The following KLHL5 variants were observed in gnomAD, a reference collection of about 807,000 sequenced individuals.
The protein encoded by KLHL5 is kelch like family member 5, also known as kelch-like protein 5.
Under a neutral mutation model 77.7 loss-of-function variants are expected in KLHL5, and 48 were observed. The observed-to-expected ratio is 0.62, with a 90% CI of 0.49 to 0.79. The LOEUF (loss-of-function observed/expected upper bound fraction) is 0.79, where lower values mean the gene tolerates loss of function less well. KLHL5 is among the 30% of genes least tolerant of loss of function. KLHL5 has a pLI of 0.00. For synonymous variants in KLHL5, 260 were observed against 297.0 expected, an observed-to-expected ratio of 0.88 and a Z score of 1.28; for missense variants, 723 against 859.7, an observed-to-expected ratio of 0.84 and a Z score of 1.99.
At chr4:39,104,176 G>C (rs1269033733) in intron 7 of KLHL5, among the ~76,000 whole-genome samples, 1 of 152,048 alleles carries the variant, frequency 6.6e-6, no homozygotes, top group Non-Finnish European at 1.5e-5. Context: ...AAGAGACATA[G>C]ATTTCCACTA....
chr4:39,082,345 G>T (rs1167751195), intron 4 of KLHL5, among the ~76,000 whole-genome samples, 186 bp downstream of exon 4: 1 of 152,138 alleles, frequency 6.6e-6, no homozygotes, highest in Non-Finnish European at 1.5e-5. Context: ...CTTCTCGTGG[G>T]TATCTGAATC....
At chr4:39,059,141 T>C (rs1253000437), upstream of KLHL5, among the ~76,000 whole-genome samples, 7 of 152,030 alleles carry the variant, frequency 4.6e-5, no homozygotes, top group Non-Finnish European at 1.0e-4. Context: ...TTTATATTGT[T>C]GGTGAAAGTT....
At chr4:39,094,105 T>C (rs918389347) in intron 5 of KLHL5, among the ~76,000 whole-genome samples, 3 of 152,150 alleles carry the variant, frequency 2.0e-5, no homozygotes, top group Non-Finnish European at 2.9e-5. Flanking sequence ...ATAAAATAAT[T>C]GGCATACACA....
At chr4:39,133,153 G>A in the KLHL5 span, among the ~76,000 whole-genome samples, 2 of 151,692 alleles carry the variant, frequency 1.3e-5, no homozygotes, top group Admixed American at 1.3e-4. Flanking sequence ...ATTTTTCTTT[G>A]GCTTATCCAG....
intron 10 of KLHL5, among the ~76,000 whole-genome samples, chr4:39,119,625 T>A (rs1040429028): frequency 6.6e-6 from 1 of 152,164 alleles, no homozygotes. Context: ...GAAGTTTTCC[T>A]TTCAGTGTTC....
At chr4:39,070,686 T>C (rs1718391411) in intron 1 of KLHL5, among the ~76,000 whole-genome samples, 1 of 152,208 alleles carries the variant, frequency 6.6e-6, no homozygotes. Flanking sequence ...TGGATTCTTA[T>C]AAACAGCATT....
At chr4:39,093,391 T>C (rs557731812) in intron 5 of KLHL5, 1 of 455,964 alleles carries the variant, frequency 2.2e-6, no homozygotes, top group East Asian at 6.9e-5. Flanking sequence ...ATTGAGGTGA[T>C]GAAAATGTTT....
chr4:39,055,101 C>G (rs2711953), intron 1 of KLHL5, among the ~76,000 whole-genome samples: 110,603 of 152,106 alleles, frequency 0.73, 40,382 homozygotes, highest in East Asian at 0.82. Flanking sequence ...CTGGATAATT[C>G]TAAGAGACTA....
At chr4:39,072,895 T>A (rs1467840337) in intron 1 of KLHL5, among the ~76,000 whole-genome samples, 1 of 152,132 alleles carries the variant, frequency 6.6e-6, no homozygotes, top group Non-Finnish European at 1.5e-5. Context: ...AAGGTGACTA[T>A]GGTTAATAGC....
downstream of KLHL5, among the ~76,000 whole-genome samples, chr4:39,130,890 T>C (rs1199892683): frequency 6.6e-6 from 1 of 152,096 alleles, no homozygotes; most frequent in Non-Finnish European, 1.5e-5. Flanking sequence ...TCTCCCAGGC[T>C]GCAGCTTAAT....
At chr4:39,107,363 T>A (rs1216202484) in intron 7 of KLHL5, among the ~76,000 whole-genome samples, 1 of 152,014 alleles carries the variant, frequency 6.6e-6, no homozygotes. Context: ...CTAGAACTTT[T>A]AAACCAGAAC....
chr4:39,098,284 A>G lies in KLHL5; in HGVS notation c.1300+1406A>G, dbSNP rs181904400. The stretch of plus-strand genomic sequence containing the variant: ...GTTTTTTTGTTTTTTTTGTTTTGAG[A>G]TAGAGTCTTGTTCTGTCACCCAGGC... On this transcript the variant is annotated intron_variant, in intron 6 of 10. Transcript: ENST00000504108. Among the ~76,000 whole-genome samples, 5 of 151,812 alleles carry G rather than the reference A, an allele frequency of 3.3e-5. No individual in the cohort carries two copies. The East Asian group carries it at 9.8e-4, about 30-fold the overall frequency.
At chr4:39,071,325 G>C (rs1718452823) in intron 1 of KLHL5, among the ~76,000 whole-genome samples, 1 of 152,174 alleles carries the variant, frequency 6.6e-6, no homozygotes, top group African/African-American at 2.4e-5. Flanking sequence ...GAGTGAGCCA[G>C]ACTATTTAGA....
At chr4:39,049,809 C>T (rs1045174882) in intron 1 of KLHL5, among the ~76,000 whole-genome samples, 10 of 152,000 alleles carry the variant, frequency 6.6e-5, no homozygotes, top group Non-Finnish European at 1.0e-4. Flanking sequence ...TAGTGGCTCA[C>T]GCTTTTAATC....
In KLHL5 at chr4:39,103,441, A is replaced by C. The variant is rs762973385; in HGVS notation, c.1455A>C (p.Val485=). The C allele has an allele frequency of 6.2e-7, 1 of 1,614,208 alleles. No homozygotes were observed. The highest frequency in any genetic ancestry group is 8.5e-7 in the Non-Finnish European group (1 of 1,180,022). Residue 485 remains valine, a synonymous_variant, in exon 7 of 11, where the codon GTA becomes GTC. Transcript: ENST00000504108. ...ATGGACTGAAGACTTTGAATACTGT[A>C]GAGTGCTACAACCCCAAAACAAAAA... ...GRDGLKTLNT[V]ECYNPKTKTW... is the part of the protein sequence containing the mutation.
At chr4:39,134,348 GTAAGCATTTCA>G in the KLHL5 span, among the ~76,000 whole-genome samples, 6 of 152,192 alleles carry the variant, frequency 3.9e-5, no homozygotes, top group Non-Finnish European at 8.8e-5. Context: ...ACTGTACTAA[GTAAGCATTTCA>G]TATGTATGTT....
chr4:39,058,448 A>G (rs1717151807), upstream of KLHL5, among the ~76,000 whole-genome samples: 1 of 152,064 alleles, frequency 6.6e-6, no homozygotes, highest in Admixed American at 6.6e-5. Context: ...CAACATGGCA[A>G]AACCCTGGCT....
downstream of KLHL5, among the ~76,000 whole-genome samples, chr4:39,131,266 A>C (rs1723791793): frequency 6.6e-6 from 1 of 152,208 alleles, no homozygotes; most frequent in Non-Finnish European, 1.5e-5. Context: ...TTAAAACATC[A>C]TACCATGTGG....
At chr4:39,050,634 A>T (rs1462517148) in intron 1 of KLHL5, among the ~76,000 whole-genome samples, 3 of 152,228 alleles carry the variant, frequency 2.0e-5, no homozygotes, top group African/African-American at 7.2e-5. Context: ...TTGTCTTTGT[A>T]AGCTCTTAAC....
Sources: allele counts gnomAD v4.1 joint callset (sites outside exome capture counted in the v4.1 genomes callset), GRCh38; gene constraint gnomAD v4.1.1; transcripts MANE v1.5; gene names NCBI Gene and HGNC (gene_info 2026-07-23, HGNC 2026-07-21).